The following QRSL1 variants were observed in gnomAD, a reference collection of about 807,000 sequenced individuals.
QRSL1 encodes the protein glutamyl-tRNA(Gln) amidotransferase subunit A, mitochondrial.
Under a neutral mutation model 61.6 loss-of-function variants are expected in QRSL1, and 54 were observed. The observed-to-expected ratio is 0.88, with a 90% CI of 0.70 to 1.10. QRSL1 has a LOEUF of 1.10. Among genes scored for constraint, QRSL1 ranks in the 50% least tolerant of loss-of-function variants. The pLI is 0.00. For synonymous variants in QRSL1, 228 were observed against 225.7 expected (o/e 1.01, Z -0.09); for missense variants, 505 against 622.6 (o/e 0.81, Z 2.01).
intron 2 of QRSL1, 80 bp from the exon 3 acceptor site, chr6:106,640,743 A>G (rs1343095877): frequency 8.0e-7 from 1 of 1,246,942 alleles, no homozygotes; most frequent in African/African-American, 1.5e-5. Flanking sequence ...AAAAACTAGT[A>G]GTTACTGTAA....
In QRSL1 at chr6:106,639,116, G is replaced by GTTTT. The variant is rs1554200732; in HGVS notation, c.25-1231_25-1230insTTTT. 2.8e-3 allele frequency among the ~76,000 whole-genome samples: 151 copies of GTTTT among 54,350 alleles called. 5 individuals are homozygous for GTTTT. Among genetic ancestry groups the GTTTT allele is most frequent in the East Asian group, 9.1e-3 (23 of 2,520 alleles). 35.7% of individuals were successfully genotyped at this position (54,350 alleles called of 152,430 possible). On this transcript the variant is annotated intron_variant, in intron 1 of 10. Transcript: ENST00000369046. Reference sequence around the variant, plus strand: ...ACTTGTGTGGTTATTTGTGTGTTTTGTTGTTTTTTTTTTTTTTTTTTTTTT... The same window carrying GTTTT: ...ACTTGTGTGGTTATTTGTGTGTTTTGTTTTTTGTTTTTTTTTTTTTTTTTTTTTT...
Position 106,666,945 on chromosome 6 carries a change from C to A in QRSL1, c.*943C>A, listed in dbSNP as rs1195364949. On this transcript the variant is annotated 3_prime_UTR_variant, in exon 11 of 11. Coordinates refer to ENST00000369046, the MANE Select transcript of QRSL1 (RefSeq NM_018292.5). The stretch of plus-strand genomic sequence containing the variant: ...AGAGCTGAAATGACTGAGAACTTTC[C>A]TTTCCTCCTTAGAGTTACAATTTTA... 2.0e-5 allele frequency: 3 copies of A among 152,160 alleles called. No individual in the cohort carries two copies. Among genetic ancestry groups the A allele is most frequent in the Non-Finnish European group, 4.4e-5 (3 of 68,034 alleles). 9.4% of individuals were successfully genotyped at this position (152,160 alleles called of 1,614,324 possible).
chr6:106,660,193 A>ATTTTC (rs373746869), intron 9 of QRSL1, among the ~76,000 whole-genome samples: 2 of 150,608 alleles, frequency 1.3e-5, no homozygotes, highest in African/African-American at 4.9e-5. Flanking sequence ...GGCATATCTC[A>ATTTTC]TTTTCTTTTC....
At chr6:106,646,140 G>A (rs989849704) in intron 4 of QRSL1, among the ~76,000 whole-genome samples, 3 of 152,164 alleles carry the variant, frequency 2.0e-5, no homozygotes, top group Non-Finnish European at 2.9e-5. Flanking sequence ...GTCCTTGCGT[G>A]TATAGTTCAG....
rs370943658 is a variant in QRSL1, at chr6:106,640,831, C to T, written c.193C>T (p.Leu65Phe). 5 of 1,613,292 alleles carry T rather than the reference C, an allele frequency of 3.1e-6. No individual in the cohort carries two copies. The highest frequency in any genetic ancestry group is 2.2e-5 in the South Asian group (2 of 90,978). ...SEKRYKNGQS[L>F]GDLDGIPIAV... The stretch of plus-strand genomic sequence containing the variant: ...TTGGCTTTTTAATGCAGGACAGTCA[C>T]TTGGGGATTTAGATGGAATTCCTAT... The change falls in exon 3 of 11, where the codon CTT (leucine) becomes TTT (phenylalanine). Residue 65 changes from leucine (L) to phenylalanine (F), a missense_variant. Physicochemically the swap from Leu to Phe is conservative, Grantham distance 22. Transcript: ENST00000369046.
At chr6:106,647,791 C>A (rs1282992853) in intron 4 of QRSL1, among the ~76,000 whole-genome samples, 6 of 146,364 alleles carry the variant, frequency 4.1e-5, no homozygotes, top group African/African-American at 1.5e-4. Flanking sequence ...GCTGGGACTA[C>A]AGGCGCCCGC....
rs144848117 is a variant in QRSL1 at position 106,629,642 on chromosome 6, C to A, written c.-40C>A. On this transcript the variant is annotated 5_prime_UTR_variant, in exon 1 of 11. Coordinates refer to ENST00000369046, the MANE Select transcript of QRSL1 (RefSeq NM_018292.5). Reference sequence around the variant, plus strand: ...AGCGACCGGTGACCTCTTTTTCCCCCTTGCCTGGCTCCTGTGGTGGCAGGC... The same window carrying A: ...AGCGACCGGTGACCTCTTTTTCCCCATTGCCTGGCTCCTGTGGTGGCAGGC... 4 of 1,587,146 alleles carry A rather than the reference C, an allele frequency of 2.5e-6. No individual in the cohort carries two copies. The highest frequency in any genetic ancestry group is 3.4e-6 in the Non-Finnish European group (4 of 1,167,562).
intron 1 of QRSL1, among the ~76,000 whole-genome samples, chr6:106,630,030 A>G (rs1043235480): frequency 6.6e-6 from 1 of 152,190 alleles, no homozygotes; most frequent in African/African-American, 2.4e-5. Flanking sequence ...GGGCCACTTC[A>G]GTCTCTCTTC....
At chr6:106,658,360 G>A (rs1777304582) in intron 9 of QRSL1, among the ~76,000 whole-genome samples, 1 of 151,968 alleles carries the variant, frequency 6.6e-6, no homozygotes, top group Admixed American at 6.5e-5. Context: ...TCTTTATTTT[G>A]CTTTTAATTT....
intron 10 of QRSL1, among the ~76,000 whole-genome samples, chr6:106,664,680 G>T (rs932835311): frequency 6.6e-6 from 1 of 152,152 alleles, no homozygotes; most frequent in East Asian, 1.9e-4. Flanking sequence ...AACATTTTTG[G>T]TAGAAGTACT....
chr6:106,644,811 G>T (rs1050093929), intron 4 of QRSL1, among the ~76,000 whole-genome samples: 23 of 152,262 alleles, frequency 1.5e-4, no homozygotes, highest in African/African-American at 5.1e-4. Context: ...GAGCCATCGT[G>T]CCTGGCCAAG....
At chr6:106,644,727 C>G (rs761750325) in intron 4 of QRSL1, among the ~76,000 whole-genome samples, 3 of 152,110 alleles carry the variant, frequency 2.0e-5, no homozygotes, top group African/African-American at 7.2e-5. Context: ...ACCGCGTTGG[C>G]CAGGCTGGTC....
At chr6:106,645,667 C>T (rs994767594) in intron 4 of QRSL1, among the ~76,000 whole-genome samples, 60 of 152,194 alleles carry the variant, frequency 3.9e-4, no homozygotes, top group Admixed American at 1.4e-3. Flanking sequence ...GTGATCCGCC[C>T]GCCTCGTCCT....
rs561379135 is a variant in QRSL1, at chr6:106,648,848, C to T, written c.381-177C>T. On this transcript the variant is annotated intron_variant, in intron 4 of 10. Transcript: ENST00000369046. Reference sequence around the variant, plus strand: ...ACAAATGCTCTTCCTTCCCATCCTCCGCAACTGTCAATTAATGAAAGCTAC... The same window carrying T: ...ACAAATGCTCTTCCTTCCCATCCTCTGCAACTGTCAATTAATGAAAGCTAC... Among the ~76,000 whole-genome samples the T allele has an allele frequency of 5.9e-5, 9 of 152,304 alleles. No homozygotes were observed. In the East Asian group the frequency reaches 9.6e-4, roughly 16 times the overall value.
At chr6:106,644,068 C>T (rs184875555) in intron 4 of QRSL1, among the ~76,000 whole-genome samples, 2 of 152,184 alleles carry the variant, frequency 1.3e-5, no homozygotes, top group African/African-American at 2.4e-5. Flanking sequence ...GATTGGGTGT[C>T]GCCATGTTGG....
At chr6:106,638,087 G>C (rs1345022806) in intron 1 of QRSL1, among the ~76,000 whole-genome samples, 1 of 152,214 alleles carries the variant, frequency 6.6e-6, no homozygotes, top group Non-Finnish European at 1.5e-5. Context: ...AGGAAGGAGA[G>C]AAAGTGGCAA....
At chr6:106,650,232 C>T (rs906040026) in intron 5 of QRSL1, among the ~76,000 whole-genome samples, 6 of 152,148 alleles carry the variant, frequency 3.9e-5, no homozygotes, top group African/African-American at 1.4e-4. Context: ...CATTTTGACA[C>T]ATAATTCCTA....
chr6:106,654,986 T>C (rs1777244702), intron 8 of QRSL1, 64 bp downstream of exon 8: 3 of 1,407,618 alleles, frequency 2.1e-6, no homozygotes, highest in Non-Finnish European at 1.9e-6. Context: ...AGTTCACTTA[T>C]TAGTGACAAA....
intron 1 of QRSL1, among the ~76,000 whole-genome samples, chr6:106,636,813 A>T (rs908977536): frequency 1.3e-5 from 2 of 152,202 alleles, no homozygotes; most frequent in Non-Finnish European, 2.9e-5. Context: ...ACTAAATTAT[A>T]TGTATTTGCA....
Sources: gnomAD v4.1 joint callset for allele counts (sites outside exome capture counted in the v4.1 genomes callset) on GRCh38, gnomAD v4.1.1 for gene constraint, MANE v1.5 for transcripts, NCBI Gene and HGNC (gene_info 2026-07-23, HGNC 2026-07-21) for gene names.